LRP2: variants seen among roughly 807,000 people sequenced by gnomAD.
LRP2 encodes the protein LDL receptor related protein 2.
A neutral mutation model predicts 531.0 loss-of-function variants in LRP2; 172 were observed. The ratio of observed to expected loss-of-function variants is 0.32; its 90% CI spans 0.29 to 0.37. LRP2 has a LOEUF of 0.37. LRP2 is among the 10% of genes least tolerant of loss of function. The probability of loss-of-function intolerance (pLI) is 1.00; values close to 1 mark genes in which losing one functional copy is unlikely to be tolerated. For missense variants in LRP2, 5,167 were observed against 5,868.3 expected (o/e 0.88, Z 3.90); for synonymous variants, 1,992 against 2,027.6 (o/e 0.98, Z 0.47).
At chr2:169,232,951 G>A (rs1689464392) in intron 30 of LRP2, among the ~76,000 whole-genome samples, 1 of 152,196 alleles carries the variant, frequency 6.6e-6, no homozygotes, top group Non-Finnish European at 1.5e-5. Context: ...CGGATGCCAA[G>A]TCTTTCACCT....
chr2:169,289,146 C>A lies in LRP2; in HGVS notation c.923-1G>T. 1 of 1,614,008 alleles carries A rather than the reference C, an allele frequency of 6.2e-7. No homozygotes were observed. The highest frequency in any genetic ancestry group is 8.5e-7 in the Non-Finnish European group (1 of 1,179,940). On this transcript the variant is annotated splice_acceptor_variant, in intron 8 of 78. Transcript: ENST00000649046. LOFTEE classifies it high-confidence loss of function. ...TTCAAGGCAGAGCACAGAGTCATACCTAAACGAAGAAAAGAACTTTGTTAA... is the reference window on the plus strand; with the variant it reads ...TTCAAGGCAGAGCACAGAGTCATACATAAACGAAGAAAAGAACTTTGTTAA...
chr2:169,347,966 G>A (rs760958274), intron 1 of LRP2, among the ~76,000 whole-genome samples: 1 of 152,142 alleles, frequency 6.6e-6, no homozygotes, highest in Non-Finnish European at 1.5e-5. Flanking sequence ...ACGTACAGAG[G>A]ACTATCTTCC....
intron 68 of LRP2, among the ~76,000 whole-genome samples, chr2:169,150,661 T>C (rs545949387): frequency 6.6e-6 from 1 of 152,284 alleles, no homozygotes; most frequent in East Asian, 1.9e-4. Context: ...TGGCAAGGAA[T>C]CCATGTAACT....
chr2:169,343,739 G>A (rs1431577110), intron 1 of LRP2, among the ~76,000 whole-genome samples: 1 of 152,162 alleles, frequency 6.6e-6, no homozygotes, highest in African/African-American at 2.4e-5. Flanking sequence ...TATGTCCAGG[G>A]AAGTTGGGAA....
At chr2:169,326,138 C>G (rs564406582) in intron 1 of LRP2, among the ~76,000 whole-genome samples, 89 of 69,584 alleles carry the variant, frequency 1.3e-3, no homozygotes, top group African/African-American at 6.4e-3. Context: ...CTCTGCCTCT[C>G]CCTCTCCCTC....
chr2:169,275,762 C>G (rs1483865168), intron 13 of LRP2, among the ~76,000 whole-genome samples: 1 of 151,984 alleles, frequency 6.6e-6, no homozygotes, highest in Non-Finnish European at 1.5e-5. Context: ...GTAAGGAAAG[C>G]AAGAAGCAAT....
chr2:169,216,707 G>T (rs77372555), intron 34 of LRP2, among the ~76,000 whole-genome samples: 1 of 152,106 alleles, frequency 6.6e-6, no homozygotes, highest in Non-Finnish European at 1.5e-5. Flanking sequence ...CTTTTAGCAT[G>T]GTCAGGTGTG....
At chr2:169,141,152 T>C (rs919903558) in intron 71 of LRP2, among the ~76,000 whole-genome samples, 3 of 152,214 alleles carry the variant, frequency 2.0e-5, no homozygotes, top group Admixed American at 2.0e-4. Flanking sequence ...TCTTTTATAT[T>C]GAAGATGCTT....
At chr2:169,235,815 T>C (rs1689584097) in intron 29 of LRP2, 25 bp downstream of exon 29, 1 of 1,565,058 alleles carries the variant, frequency 6.4e-7, no homozygotes, top group Non-Finnish European at 8.8e-7. Context: ...TAGTTTTAAT[T>C]TGGTTTTCCT....
At chr2:169,313,667 C>T (rs1684680480) in intron 3 of LRP2, among the ~76,000 whole-genome samples, 1 of 152,168 alleles carries the variant, frequency 6.6e-6, no homozygotes, top group Admixed American at 6.5e-5. Context: ...CAGGGACCCA[C>T]TTGAGGTAGT....
intron 37 of LRP2, among the ~76,000 whole-genome samples, chr2:169,211,579 T>C (rs1688593709): frequency 6.6e-6 from 1 of 152,180 alleles, no homozygotes; most frequent in Admixed American, 6.5e-5. Context: ...GCACAGTTCT[T>C]TGGAACACCA....
rs555776205 is a variant in LRP2 at position 169,302,494 on chromosome 2, G to A, written c.427+4787C>T. 9.9e-5 allele frequency among the ~76,000 whole-genome samples: 15 copies of A among 152,220 alleles called. No homozygotes were observed. In the East Asian group the frequency reaches 2.1e-3, roughly 22 times the overall value. On this transcript the variant is annotated intron_variant, in intron 4 of 78. Coordinates refer to ENST00000649046, the MANE Select transcript of LRP2 (RefSeq NM_004525.3). ...TTTGACAACGTCCAGAGACATTTTG[G>A]ATTGTCACGACTGGGCAATGCTACA... is the stretch of plus-strand genomic sequence containing the variant.
At chr2:169,208,699 C>T (rs746403893) in intron 38 of LRP2, among the ~76,000 whole-genome samples, 2 of 152,082 alleles carry the variant, frequency 1.3e-5, no homozygotes, top group Non-Finnish European at 2.9e-5. Context: ...TCAGGTGATC[C>T]GCCTGCCTCA....
rs540519408 is a variant in LRP2 at position 169,228,744 on chromosome 2, A to G, written c.5228-2156T>C. Among the ~76,000 whole-genome samples, 10 of 152,322 alleles carry G rather than the reference A, an allele frequency of 6.6e-5. No homozygotes were observed. The East Asian group carries it at 1.9e-3, about 29-fold the overall frequency. Reference sequence around the variant, plus strand: ...TGAACATTTGCAAGCAATGGACCAGAGAACAGGATCTCCTGCAATGCTGCG... The same window carrying G: ...TGAACATTTGCAAGCAATGGACCAGGGAACAGGATCTCCTGCAATGCTGCG... On this transcript the variant is annotated intron_variant, in intron 31 of 78. Coordinates refer to ENST00000649046, the MANE Select transcript of LRP2 (RefSeq NM_004525.3).
intron 4 of LRP2, among the ~76,000 whole-genome samples, chr2:169,304,341 C>G (rs1042690074): frequency 3.9e-5 from 6 of 152,050 alleles, no homozygotes; most frequent in Non-Finnish European, 5.9e-5. Context: ...CAAATTAAGC[C>G]CTATCTCTAC....
chr2:169,167,179 T>C (rs1487357912), intron 61 of LRP2, among the ~76,000 whole-genome samples: 1 of 152,194 alleles, frequency 6.6e-6, no homozygotes, highest in African/African-American at 2.4e-5. Context: ...AAGTTAAACA[T>C]GTCTAAGATG....
chr2:169,152,065 A>G (rs751081344), intron 67 of LRP2, among the ~76,000 whole-genome samples: 13 of 152,216 alleles, frequency 8.5e-5, no homozygotes, highest in Non-Finnish European at 1.5e-4. Flanking sequence ...TTTCCCACCA[A>G]TGTAAGTCAG....
Position 169,146,808 on chromosome 2 carries a change from C to T in LRP2, c.12742G>A (p.Asp4248Asn). 6.2e-7 allele frequency: 1 copy of T among 1,614,198 alleles called. No homozygotes were observed. The highest frequency in any genetic ancestry group is 8.5e-7 in the Non-Finnish European group (1 of 1,180,028). ...YLNNDRIYWS[D>N]FKEDVIETIK... ...GTTTCAATAACGTCCTCCTTGAAGT[C>T]ACTCCAGTAGATTCGGTCATTGTTC... is the stretch of plus-strand genomic sequence containing the variant. Residue 4248 changes from aspartate (D) to asparagine (N), a missense_variant, in exon 69 of 79, where the codon GAC becomes AAC. By Grantham distance (23) the Asp-to-Asn change is conservative (BLOSUM62 1). Around this residue, in one of 6 missense-constraint regions of LRP2, gnomAD observed 564 missense variants for 747.7 expected, o/e 0.75. Coordinates refer to ENST00000649046, the MANE Select transcript of LRP2 (RefSeq NM_004525.3).
At position 169,174,014 on chromosome 2, in the gene LRP2, A is replaced by T. The variant is rs1380161008; in HGVS notation, c.10919T>A (p.Phe3640Tyr). The change falls in exon 56 of 79, where the codon TTT (phenylalanine) becomes TAT (tyrosine). Residue 3640 changes from phenylalanine to tyrosine, a missense_variant. By Grantham distance (22) the Phe-to-Tyr change is conservative. Transcript: ENST00000649046. ...CASRTCRPGQ[F>Y]RCANGRCIPQ... ...GATGCAGCGGCCATTAGCACACCGAAACTGGCCCGGCCGGCAGGTCCTGCT... is the reference window on the plus strand; with the variant it reads ...GATGCAGCGGCCATTAGCACACCGATACTGGCCCGGCCGGCAGGTCCTGCT... 6.2e-7 allele frequency: 1 copy of T among 1,614,166 alleles called. No homozygotes were observed. The highest frequency in any genetic ancestry group is 8.5e-7 in the Non-Finnish European group (1 of 1,180,020).
Sources: allele counts gnomAD v4.1 joint callset (sites outside exome capture counted in the v4.1 genomes callset), GRCh38; gene constraint gnomAD v4.1.1; regional missense constraint gnomAD v4.1.1; transcripts MANE v1.5; gene names NCBI Gene and HGNC (gene_info 2026-07-23, HGNC 2026-07-21).